Variants in TANC1 observed in about 807,000 individuals in gnomAD.
TANC1 encodes the protein tetratricopeptide repeat, ankyrin repeat and coiled-coil containing 1.
TANC1 carries 77 observed loss-of-function variants against 149.7 expected under a neutral mutation model. The ratio of observed to expected loss-of-function variants is 0.51; its 90% CI spans 0.43 to 0.62. TANC1 has a LOEUF of 0.62. Ranked by LOEUF, TANC1 falls within the 20% of genes least tolerant of loss-of-function variation. TANC1 has a pLI of 0.00. For missense variants in TANC1, 1,985 were observed against 2,321.8 expected (o/e 0.85, Z 2.98); for synonymous variants, 854 against 925.0 (o/e 0.92, Z 1.39).
intron 4 of TANC1, among the ~76,000 whole-genome samples, chr2:159,121,851 G>C (rs572171406): frequency 6.6e-6 from 1 of 152,300 alleles, no homozygotes; most frequent in South Asian, 2.1e-4. Flanking sequence ...AGATACTGTC[G>C]GAGGGTCTGC....
intron 11 of TANC1, among the ~76,000 whole-genome samples, chr2:159,173,772 T>G (rs1042408148): frequency 6.6e-6 from 1 of 152,130 alleles, no homozygotes; most frequent in Non-Finnish European, 1.5e-5. Context: ...CAGGTGAGAG[T>G]TGGAGAGCAG....
chr2:159,019,650 T>C (rs2038618984), intron 2 of TANC1, among the ~76,000 whole-genome samples: 1 of 131,398 alleles, frequency 7.6e-6, no homozygotes, highest in Non-Finnish European at 1.6e-5. Flanking sequence ...TTGCTTTCTT[T>C]CTGTTTTTTT....
chr2:159,144,447 C>T (rs1446346603), intron 5 of TANC1, among the ~76,000 whole-genome samples: 7 of 152,198 alleles, frequency 4.6e-5, no homozygotes, highest in Admixed American at 4.6e-4. Context: ...ACAATCTTGG[C>T]TCACTGTGAC....
intron 8 of TANC1, among the ~76,000 whole-genome samples, chr2:159,164,255 C>G (rs888465024): frequency 2.6e-5 from 4 of 151,954 alleles, no homozygotes; most frequent in African/African-American, 9.7e-5. Flanking sequence ...AGCAGAAATA[C>G]CCAAGGAAAA....
intron 2 of TANC1, among the ~76,000 whole-genome samples, chr2:159,045,381 G>A (rs193234657): frequency 5.9e-5 from 9 of 152,264 alleles, no homozygotes; most frequent in African/African-American, 1.4e-4. Flanking sequence ...GCAGTGAGCC[G>A]AGATTGCACC....
chr2:159,015,519 C>A (rs181259831), intron 2 of TANC1, among the ~76,000 whole-genome samples: 1 of 152,166 alleles, frequency 6.6e-6, no homozygotes, highest in African/African-American at 2.4e-5. Context: ...TCATTACTTA[C>A]GCAAATTTCT....
chr2:159,128,661 G>A (rs1258571255), intron 4 of TANC1, among the ~76,000 whole-genome samples: 1 of 152,172 alleles, frequency 6.6e-6, no homozygotes, highest in African/African-American at 2.4e-5. Context: ...CAGGGAGCCA[G>A]CCCATGTTCC....
chr2:158,988,325 CAAA>C (rs1285907133), intron 1 of TANC1, among the ~76,000 whole-genome samples: 15 of 87,400 alleles, frequency 1.7e-4, no homozygotes, highest in Non-Finnish European at 1.9e-4. Context: ...GACCCTGTCC[CAAA>C]AAAAAAAAAA....
intron 2 of TANC1, among the ~76,000 whole-genome samples, chr2:159,005,807 A>T (rs1224743921): frequency 1.3e-5 from 2 of 152,060 alleles, no homozygotes; most frequent in East Asian, 1.9e-4. Flanking sequence ...AAATTGAAAA[A>T]GAAAAAAAAA....
At chr2:159,214,372 A>G (rs1257128668) in intron 19 of TANC1, among the ~76,000 whole-genome samples, 1 of 152,196 alleles carries the variant, frequency 6.6e-6, no homozygotes, top group Non-Finnish European at 1.5e-5. Flanking sequence ...AGCAACTGGG[A>G]CTAGATCATA....
In TANC1 at chr2:159,170,382, G is replaced by T. The variant is rs917238304; in HGVS notation, c.1070-142G>T. ...TTGAGGTATTACAGAAGTATTAATA[G>T]AACGAGATTGGAAATGCTTACAGAC... On this transcript the variant is annotated intron_variant, in intron 9 of 26. Coordinates refer to ENST00000263635, the MANE Select transcript of TANC1 (RefSeq NM_033394.3). 8.2e-6 allele frequency: 6 copies of T among 736,048 alleles called. No homozygotes were observed. The African/African-American group carries it at 8.9e-5, about 11-fold the overall frequency. 45.6% of individuals were successfully genotyped at this position (736,048 alleles called of 1,614,324 possible).
chr2:159,155,609 C>T (rs754514155), intron 7 of TANC1, among the ~76,000 whole-genome samples: 3 of 152,214 alleles, frequency 2.0e-5, no homozygotes, highest in Non-Finnish European at 4.4e-5. Context: ...CAGGCATGAG[C>T]CGCCACATTC....
rs1358706623 is a variant in TANC1, at chr2:159,230,042, A to C, written c.4616A>C (p.His1539Pro). ...GCCCAGATCGTGAAAACCAGCCAGC[A>C]CCTGGGCTCTGGCCAGTCGGCAGTG... ...KQAQIVKTSQ[H>P]LGSGQSAVRN... is the part of the protein sequence containing the mutation. The change falls in exon 27 of 27, where the codon CAC becomes CCC. Residue 1539 changes from histidine (H) to proline (P), a missense_variant. This residue lies in a region of TANC1 where 920 missense variants were observed against 994.7 expected (regional missense o/e 0.92). Coordinates refer to ENST00000263635, the MANE Select transcript of TANC1 (RefSeq NM_033394.3). The surrounding 1 kb of genome is among the most constrained non-coding windows in gnomAD (Gnocchi z 4.4). 1.9e-6 allele frequency: 3 copies of C among 1,613,960 alleles called. No individual in the cohort carries two copies. Among genetic ancestry groups the C allele is most frequent in the African/African-American group, 1.3e-5 (1 of 74,940 alleles).
rs77945655 is a variant in TANC1, at chr2:159,136,562, G to A, written c.364+264G>A. ...TTTCCTCTGAATTTTGACCTACCAG[G>A]TCTTGGAGGATAGGAAGCGTCACCC... On this transcript the variant is annotated intron_variant, in intron 5 of 26. Coordinates refer to ENST00000263635, the MANE Select transcript of TANC1 (RefSeq NM_033394.3). 2.2e-3 allele frequency among the ~76,000 whole-genome samples: 330 copies of A among 152,262 alleles called. 5 individuals carry two copies. The East Asian group carries it at 0.048, about 22-fold the overall frequency.
intron 26 of TANC1, among the ~76,000 whole-genome samples, 186 bp downstream of exon 26, chr2:159,229,082 ACTT>A (rs2060193447): frequency 6.6e-6 from 1 of 152,084 alleles, no homozygotes; most frequent in East Asian, 1.9e-4. Flanking sequence ...TGATGAGTAA[ACTT>A]CTATTTTCTC....
intron 5 of TANC1, among the ~76,000 whole-genome samples, chr2:159,142,783 G>T (rs1369928189): frequency 6.6e-6 from 1 of 150,948 alleles, no homozygotes; most frequent in African/African-American, 2.4e-5. Context: ...AAAAAAAAAG[G>T]CCAGGCACGA....
At chr2:159,208,783 T>C (rs2058794986) in intron 19 of TANC1, among the ~76,000 whole-genome samples, 1 of 152,218 alleles carries the variant, frequency 6.6e-6, no homozygotes, top group African/African-American at 2.4e-5. Context: ...CTTTTTAAAT[T>C]CGTGCATGAG....
rs1421121468 is a variant in TANC1, at chr2:159,065,879, G to C, written c.-15-17G>C. 1.2e-6 allele frequency: 2 copies of C among 1,603,766 alleles called. No homozygotes were observed. Among genetic ancestry groups the C allele is most frequent in the Non-Finnish European group, 1.7e-6 (2 of 1,170,850 alleles). ...TCAATGTTTAATTCCTCTTCTCTCTGTTTCTTTTCTCCTTAGAAACAAGTG... is the reference window on the plus strand; with the variant it reads ...TCAATGTTTAATTCCTCTTCTCTCTCTTTCTTTTCTCCTTAGAAACAAGTG... On this transcript the variant is annotated splice_polypyrimidine_tract_variant and intron_variant, in intron 2 of 26. Coordinates refer to ENST00000263635, the MANE Select transcript of TANC1 (RefSeq NM_033394.3).
intron 1 of TANC1, among the ~76,000 whole-genome samples, chr2:158,994,358 C>A (rs1277966549): frequency 6.6e-6 from 1 of 152,188 alleles, no homozygotes; most frequent in African/African-American, 2.4e-5. Context: ...CAGCCTCCAA[C>A]TCCTGGGGTC....
Sources: gnomAD v4.1 joint callset for allele counts (sites outside exome capture counted in the v4.1 genomes callset) on GRCh38, gnomAD v4.1.1 for gene constraint, gnomAD v4.1.1 regional missense constraint, Gnocchi (gnomAD v3.1) non-coding constraint, MANE v1.5 for transcripts, NCBI Gene and HGNC (gene_info 2026-07-23, HGNC 2026-07-21) for gene names.